Variants in ATF7 observed in about 807,000 individuals in gnomAD.
ATF7 encodes the protein activating transcription factor 7.
Under a neutral mutation model 50.4 loss-of-function variants are expected in ATF7, and 10 were observed. The ratio of observed to expected loss-of-function variants is 0.20; its 90% CI spans 0.12 to 0.34. The LOEUF is 0.34. Among genes scored for constraint, ATF7 ranks in the 10% least tolerant of loss-of-function variants. ATF7 has a pLI of 1.00. For missense variants in ATF7, 465 were observed against 613.9 expected, an observed-to-expected ratio of 0.76 and a Z score of 2.56; for synonymous variants, 201 against 226.4, an observed-to-expected ratio of 0.89 and a Z score of 1.01.
chr12:53,531,022 T>A (rs1376945994), intron 9 of ATF7, among the ~76,000 whole-genome samples: 1 of 152,198 alleles, frequency 6.6e-6, no homozygotes, highest in East Asian at 1.9e-4. Context: ...ACTTAATAGA[T>A]AGGAAAGAGA....
Position 53,532,641 on chromosome 12 carries a change from A to AC in ATF7, c.661-19_661-18insG, listed in dbSNP as rs753813997. The AC allele has an allele frequency of 3.3e-6, 4 of 1,218,976 alleles. No homozygotes were observed. In the South Asian group the frequency reaches 6.8e-5, roughly 21 times the overall value. 75.5% of individuals were successfully genotyped at this position (1,218,976 alleles called of 1,614,324 possible). A position where few individuals can be genotyped will look rare whatever the true frequency, so the allele number is the denominator to read the frequency against. On this transcript the variant is annotated intron_variant, in intron 7 of 11. Coordinates refer to ENST00000420353, the MANE Select transcript of ATF7 (RefSeq NM_006856.3). ...CTGGCCAGCTGGATCGAGAGAAGGA[A>AC]AAAAAAAAAAAGAGAAGGGAACATA...
intron 1 of ATF7, among the ~76,000 whole-genome samples, chr12:53,607,301 C>G (rs1943657566): frequency 6.6e-6 from 1 of 152,176 alleles, no homozygotes; most frequent in African/African-American, 2.4e-5. Flanking sequence ...ATTTGCATTT[C>G]TCTGATGGCC....
At chr12:53,536,880 T>C (rs1939257259) in intron 5 of ATF7, among the ~76,000 whole-genome samples, 2 of 151,976 alleles carry the variant, frequency 1.3e-5, no homozygotes, top group Admixed American at 1.3e-4. Flanking sequence ...AGAGTGAGAC[T>C]GTCTCAACAA....
chr12:53,572,060 C>T (rs1941795651), intron 2 of ATF7, among the ~76,000 whole-genome samples: 1 of 151,390 alleles, frequency 6.6e-6, no homozygotes, highest in African/African-American at 2.4e-5. Flanking sequence ...GAGCCAGACT[C>T]CATCTCAAAA....
chr12:53,566,549 AAG>A (rs1941453867), intron 2 of ATF7, among the ~76,000 whole-genome samples: 1 of 152,152 alleles, frequency 6.6e-6, no homozygotes, highest in Admixed American at 6.5e-5. Context: ...AAGCCAGAAC[AAG>A]AGAGTTCCTG....
At chr12:53,559,514 A>T (rs569937594) in intron 2 of ATF7, among the ~76,000 whole-genome samples, 10 of 152,082 alleles carry the variant, frequency 6.6e-5, no homozygotes, top group Non-Finnish European at 1.5e-4. Context: ...CCCTGTCTCT[A>T]CAAGAAATAC....
intron 4 of ATF7, among the ~76,000 whole-genome samples, chr12:53,541,775 A>G (rs1249930637): frequency 6.6e-6 from 1 of 152,168 alleles, no homozygotes; most frequent in Non-Finnish European, 1.5e-5. Flanking sequence ...ACTCTTGAAG[A>G]TCGCAATTTG....
chr12:53,572,509 G>C (rs1941817559), intron 2 of ATF7, among the ~76,000 whole-genome samples: 1 of 152,198 alleles, frequency 6.6e-6, no homozygotes, highest in South Asian at 2.1e-4. Context: ...GGTTCTCCCA[G>C]CTCTACTAGG....
At chr12:53,511,006 G>C (rs1048578895), downstream of ATF7, among the ~76,000 whole-genome samples, 15 of 152,150 alleles carry the variant, frequency 9.9e-5, no homozygotes, top group East Asian at 2.9e-3. Flanking sequence ...GGAGGCACAG[G>C]CTATTTGTGT....
intron 1 of ATF7, among the ~76,000 whole-genome samples, chr12:53,603,180 G>A (rs964876175): frequency 6.6e-6 from 1 of 152,134 alleles, no homozygotes; most frequent in Non-Finnish European, 1.5e-5. Context: ...TACCTATTTA[G>A]AGGAGGGAAA....
At chr12:53,549,101 G>A (rs1055541385) in intron 3 of ATF7, among the ~76,000 whole-genome samples, 1 of 151,876 alleles carries the variant, frequency 6.6e-6, no homozygotes, top group African/African-American at 2.4e-5. Context: ...CCTGGCTAAC[G>A]CGGTGAAACC....
chr12:53,520,846 T>C (rs1033760872), intron 11 of ATF7, among the ~76,000 whole-genome samples: 7 of 152,154 alleles, frequency 4.6e-5, no homozygotes, highest in African/African-American at 1.7e-4. Context: ...CTCATCACTT[T>C]AACTTCAAAA....
intron 3 of ATF7, 43 bp from the exon 4 acceptor site, chr12:53,543,491 G>T: frequency 6.7e-7 from 1 of 1,485,860 alleles, no homozygotes; most frequent in Non-Finnish European, 9.1e-7. Flanking sequence ...GTTTTGATCT[G>T]AAATTAAAAC....
intron 2 of ATF7, among the ~76,000 whole-genome samples, chr12:53,594,819 T>TA (rs967569062): frequency 1.4e-5 from 2 of 144,428 alleles, no homozygotes; most frequent in Admixed American, 7.0e-5. Context: ...ACCTGGGAGG[T>TA]AGAGGTTGCA....
At chr12:53,559,768 C>T (rs1365912583) in intron 2 of ATF7, among the ~76,000 whole-genome samples, 1 of 151,922 alleles carries the variant, frequency 6.6e-6, no homozygotes, top group African/African-American at 2.4e-5. Context: ...TAATCACTAC[C>T]CAGTTCAAGG....
intron 1 of ATF7, chr12:53,625,940 G>A (rs989065811): frequency 6.6e-6 from 1 of 152,192 alleles, no homozygotes; most frequent in African/African-American, 2.4e-5. Flanking sequence ...GTGCCCCCCG[G>A]GGCTACTTAC....
chr12:53,586,171 C>A (rs1942671267), intron 2 of ATF7, among the ~76,000 whole-genome samples: 1 of 152,148 alleles, frequency 6.6e-6, no homozygotes, highest in Non-Finnish European at 1.5e-5. Flanking sequence ...ACAGGAAAGA[C>A]TGAAGAGGGA....
At chr12:53,547,629 G>A (rs964505124) in intron 3 of ATF7, among the ~76,000 whole-genome samples, 8 of 151,806 alleles carry the variant, frequency 5.3e-5, no homozygotes, top group African/African-American at 1.5e-4. Flanking sequence ...CCAGGCTGGA[G>A]TGCAATGGCA....
chr12:53,574,333 C>G (rs1305439708), intron 2 of ATF7, among the ~76,000 whole-genome samples: 1 of 152,196 alleles, frequency 6.6e-6, no homozygotes, highest in Non-Finnish European at 1.5e-5. Flanking sequence ...CCCCTTCCCA[C>G]CAATGCATCT....
Sources: gnomAD v4.1 joint callset for allele counts (sites outside exome capture counted in the v4.1 genomes callset) on GRCh38, gnomAD v4.1.1 for gene constraint, MANE v1.5 for transcripts, NCBI Gene and HGNC (gene_info 2026-07-23, HGNC 2026-07-21) for gene names.